The following ATR variants were observed in gnomAD, a reference collection of about 807,000 sequenced individuals.
The protein encoded by ATR is ATR checkpoint kinase.
ATR carries 142 observed loss-of-function variants against 305.3 expected under a neutral mutation model. The ratio of observed to expected loss-of-function variants is 0.47; its 90% CI spans 0.41 to 0.53. ATR has a LOEUF of 0.53. Among genes scored for constraint, ATR ranks in the 20% least tolerant of loss-of-function variants. The pLI, the probability that ATR is intolerant of heterozygous loss-of-function variation, is 0.00. For missense variants in ATR, 2,135 were observed against 3,133.1 expected (o/e 0.68, Z 7.60); for synonymous variants, 1,050 against 1,068.1 (o/e 0.98, Z 0.33).
intron 7 of ATR, chr3:142,559,000 G>A: frequency 1.6e-6 from 1 of 617,242 alleles, no homozygotes; most frequent in Non-Finnish European, 2.7e-6. Flanking sequence ...AAGAATCACG[G>A]CATTCCTCAA....
At chr3:142,527,125 T>C (rs2033429369) in intron 21 of ATR, among the ~76,000 whole-genome samples, 1 of 152,204 alleles carries the variant, frequency 6.6e-6, no homozygotes. Flanking sequence ...ATTTGTTTGA[T>C]AATATTTCAT....
intron 16 of ATR, among the ~76,000 whole-genome samples, chr3:142,543,261 T>A (rs140063537): frequency 1.3e-5 from 2 of 152,296 alleles, no homozygotes; most frequent in Non-Finnish European, 2.9e-5. Flanking sequence ...CACAAGACCA[T>A]GGGCATCAAA....
rs778354663 is a variant in ATR at position 142,467,926 on chromosome 3, G to A, written c.6687+8C>T. On this transcript the variant is annotated splice_region_variant and intron_variant, in intron 39 of 46. Coordinates refer to ENST00000350721, the MANE Select transcript of ATR (RefSeq NM_001184.4). Reference sequence around the variant, plus strand: ...ATCAGTTTATAAGCACTAAGATTATGATAGTACCGGTTTATTGCACAATTC... The same window carrying A: ...ATCAGTTTATAAGCACTAAGATTATAATAGTACCGGTTTATTGCACAATTC... 1.2e-6 allele frequency: 2 copies of A among 1,612,218 alleles called. No homozygotes were observed. Among genetic ancestry groups the A allele is most frequent in the Non-Finnish European group, 1.7e-6 (2 of 1,179,166 alleles).
intron 16 of ATR, 40 bp downstream of exon 16, chr3:142,547,685 G>A (rs1426188637): frequency 1.3e-6 from 2 of 1,594,158 alleles, no homozygotes; most frequent in Non-Finnish European, 1.7e-6. Context: ...GCAAAAGGAA[G>A]AAAAACAAAC....
rs1429605649 is a variant in ATR, at chr3:142,553,374, T to C, written c.2658A>G (p.Pro886=). ...AATGCAATAAGTGTAAGAGTGCAAATGGTACCAAATCTCCTTTTGCGGCCC... is the reference window on the plus strand; with the variant it reads ...AATGCAATAAGTGTAAGAGTGCAAACGGTACCAAATCTCCTTTTGCGGCCC... ...IGRAAKGDLV[P]FALLHLLHCL... is the part of the protein sequence containing the mutation. Residue 886 remains proline (P), a synonymous_variant, in exon 13 of 47, where the codon CCA becomes CCG. Transcript: ENST00000350721. 8 of 1,613,608 alleles carry C rather than the reference T, an allele frequency of 5.0e-6. No homozygotes were observed. Among genetic ancestry groups the C allele is most frequent in the African/African-American group, 1.3e-5 (1 of 74,754 alleles).
intron 42 of ATR, among the ~76,000 whole-genome samples, chr3:142,460,093 GAC>G (rs745407154): frequency 1.9e-4 from 29 of 152,046 alleles, no homozygotes; most frequent in Non-Finnish European, 1.6e-4. Context: ...TTTGAACTCT[GAC>G]TCAAGTGTCT....
At chr3:142,535,653 G>A (rs2033829644) in intron 20 of ATR, among the ~76,000 whole-genome samples, 1 of 152,096 alleles carries the variant, frequency 6.6e-6, no homozygotes, top group South Asian at 2.1e-4. Flanking sequence ...ATTTTAGAGA[G>A]CTCACTAAGA....
intron 35 of ATR, among the ~76,000 whole-genome samples, chr3:142,488,435 C>A (rs375163050): frequency 6.6e-6 from 1 of 152,062 alleles, no homozygotes; most frequent in Non-Finnish European, 1.5e-5. Context: ...TGACCTCACA[C>A]GATACAGTAA....
chr3:142,469,621 A>AT (rs755142042), intron 37 of ATR, 52 bp from the exon 38 acceptor site: 2 of 1,472,110 alleles, frequency 1.4e-6, no homozygotes, highest in Non-Finnish European at 1.9e-6. Flanking sequence ...AAAAATCAGT[A>AT]TATCAGTTCA....
At position 142,512,181 on chromosome 3, in the gene ATR, T is replaced by G. The variant is rs577144905; in HGVS notation, c.4852+79A>C. The stretch of plus-strand genomic sequence containing the variant: ...GTATTTTTTAAGCTAGTGCTTAAAT[T>G]ATAGAACTGATAAAGGGAAGAGCTA... On this transcript the variant is annotated intron_variant, in intron 27 of 46. Transcript: ENST00000350721. 1.3e-5 allele frequency: 16 copies of G among 1,268,228 alleles called. No homozygotes were observed. In the Middle Eastern group the frequency reaches 8.0e-4, roughly 63 times the overall value. 78.6% of individuals were successfully genotyped at this position (1,268,228 alleles called of 1,614,324 possible).
chr3:142,482,873 C>T (rs1481252499), intron 36 of ATR, among the ~76,000 whole-genome samples: 5 of 150,908 alleles, frequency 3.3e-5, no homozygotes, highest in African/African-American at 9.7e-5. Flanking sequence ...AGTACCTTTA[C>T]TCATTTTGCT....
chr3:142,535,224 G>C lies in ATR; in HGVS notation c.3820-19C>G. The C allele has an allele frequency of 6.2e-7, 1 of 1,612,346 alleles. No individual in the cohort carries two copies. Among genetic ancestry groups the C allele is most frequent in the South Asian group, 1.1e-5 (1 of 91,014 alleles). On this transcript the variant is annotated intron_variant, in intron 20 of 46. Coordinates refer to ENST00000350721, the MANE Select transcript of ATR (RefSeq NM_001184.4). ...AGGTCTCCTATATACAAAGCACAGA[G>C]AGACAGAACTTATTAATCAACTATT...
intron 3 of ATR, 112 bp from the exon 4 acceptor site, chr3:142,563,221 G>A (rs2034948863): frequency 9.1e-7 from 1 of 1,098,204 alleles, no homozygotes; most frequent in South Asian, 1.6e-5. Context: ...TAACAAGAGT[G>A]TAAAACATTC....
In ATR at chr3:142,474,936, T is replaced by A. The variant is rs532175339; in HGVS notation, c.6222-4753A>T. ...TTTTTAAAAAAAGTTTGTTTTTTTT[T>A]AAAAAGCCTCTTTTATTTTAAAAAA... On this transcript the variant is annotated intron_variant, in intron 36 of 46. Transcript: ENST00000350721. Among the ~76,000 whole-genome samples the A allele has an allele frequency of 6.7e-4, 102 of 152,142 alleles. 2 individuals carry two copies. The East Asian group carries it at 0.018, about 26-fold the overall frequency.
At chr3:142,492,864 G>A (rs991625784) in intron 35 of ATR, among the ~76,000 whole-genome samples, 1 of 152,126 alleles carries the variant, frequency 6.6e-6, no homozygotes, top group Non-Finnish European at 1.5e-5. Flanking sequence ...TTCAGGCTAG[G>A]ATGTAGTTAA....
chr3:142,451,453 G>A, intron 46 of ATR: 1 of 1,497,398 alleles, frequency 6.7e-7, no homozygotes, highest in Non-Finnish European at 9.0e-7. Context: ...GTAAAAATAG[G>A]AGACTTTGGT....
At position 142,469,530 on chromosome 3, in the gene ATR, C is replaced by G. The variant is rs35134774; in HGVS notation, c.6359G>C (p.Gly2120Ala). 3 of 1,613,788 alleles carry G rather than the reference C, an allele frequency of 1.9e-6. No individual in the cohort carries two copies. In the East Asian group the frequency reaches 6.7e-5, roughly 36 times the overall value. The change falls in exon 38 of 47, where the codon GGT becomes GCT. Residue 2120 changes from glycine to alanine, a missense_variant. Around this residue, in one of 9 missense-constraint regions of ATR, gnomAD observed 462 missense variants for 887.6 expected, o/e 0.52. Transcript: ENST00000350721. The stretch of plus-strand genomic sequence containing the variant: ...CTCTGTGATAACCTTGTTTATTTTA[C>G]CCAAATCATTCCTCATTTGTACACG... Reference protein sequence around the residue: ...SDRVQMRNDLGKINKVITEHT... With the variant: ...SDRVQMRNDLAKINKVITEHT...
intron 3 of ATR, among the ~76,000 whole-genome samples, chr3:142,564,179 T>A (rs2034981485): frequency 6.6e-6 from 1 of 150,744 alleles, no homozygotes; most frequent in South Asian, 2.1e-4. Flanking sequence ...ACACTTAAGG[T>A]ACAACGTAAA....
At chr3:142,575,117 T>C (rs2108507857) in intron 1 of ATR, among the ~76,000 whole-genome samples, 1 of 152,318 alleles carries the variant, frequency 6.6e-6, no homozygotes, top group South Asian at 2.1e-4. Flanking sequence ...TTTTCTAGCC[T>C]CCAAGGTGCT....
Sources: allele counts gnomAD v4.1 joint callset (sites outside exome capture counted in the v4.1 genomes callset), GRCh38; gene constraint gnomAD v4.1.1; regional missense constraint gnomAD v4.1.1; transcripts MANE v1.5; gene names NCBI Gene and HGNC (gene_info 2026-07-23, HGNC 2026-07-21).